Variants in ALMS1 observed in about 807,000 individuals in gnomAD.
The protein encoded by ALMS1 is ALMS1 centrosome and basal body associated protein.
ALMS1 carries 271 observed loss-of-function variants against 352.2 expected under a neutral mutation model. The ratio of observed to expected loss-of-function variants is 0.77; its 90% CI spans 0.70 to 0.85. ALMS1 has a LOEUF of 0.85. ALMS1 is among the 40% of genes least tolerant of loss of function. ALMS1 has a pLI of 0.00. For synonymous variants in ALMS1, 1,865 were observed against 1,761.2 expected, an observed-to-expected ratio of 1.06 and a Z score of -1.48; for missense variants, 5,445 against 4,870.7, an observed-to-expected ratio of 1.12 and a Z score of -3.51.
chr2:73,549,914 C>T (rs533372347), intron 12 of ALMS1, among the ~76,000 whole-genome samples: 2 of 152,260 alleles, frequency 1.3e-5, no homozygotes, highest in African/African-American at 2.4e-5. Context: ...AGCTGCAGTG[C>T]GGTGGCAACA....
Position 73,450,916 on chromosome 2 carries a change from C to T in ALMS1, c.4389C>T (p.Asp1463=). 1 of 1,613,984 alleles carries T rather than the reference C, an allele frequency of 6.2e-7. No homozygotes were observed. Among genetic ancestry groups the T allele is most frequent in the Non-Finnish European group, 8.5e-7 (1 of 1,179,934 alleles). ...TTTCAGTTGCTCCTGGACCAGTTGA[C>T]CAGACGATTGGCACACCAACTGTAA... The part of the protein sequence containing the change: ...LEVSVAPGPV[D]QTIGTPTVTS... The change falls in exon 8 of 23, where the codon GAC becomes GAT. Residue 1463 remains aspartate, a synonymous_variant. Coordinates refer to ENST00000613296, the MANE Select transcript of ALMS1 (RefSeq NM_001378454.1).
intron 16 of ALMS1, chr2:73,573,726 C>G: frequency 7.1e-6 from 4 of 567,166 alleles, no homozygotes; most frequent in Non-Finnish European, 1.2e-5. Context: ...CTATCCTGAA[C>G]AATATTGCTG....
chr2:73,430,227 C>T (rs1163263477), intron 6 of ALMS1, among the ~76,000 whole-genome samples: 1 of 151,950 alleles, frequency 6.6e-6, no homozygotes, highest in Non-Finnish European at 1.5e-5. Context: ...CAGGTGCCCG[C>T]CCCCATGCCC....
At chr2:73,561,127 A>G (rs923514196) in intron 15 of ALMS1, among the ~76,000 whole-genome samples, 2 of 152,246 alleles carry the variant, frequency 1.3e-5, no homozygotes, top group African/African-American at 4.8e-5. Flanking sequence ...TGCAACCCAG[A>G]TGTCCATTAT....
At chr2:73,389,159 T>G (rs1371161737) in intron 1 of ALMS1, among the ~76,000 whole-genome samples, 3 of 152,214 alleles carry the variant, frequency 2.0e-5, no homozygotes, top group African/African-American at 7.2e-5. Context: ...GGTATCTCAT[T>G]GTGATTTTAA....
rs2103782849 is a variant in ALMS1, at chr2:73,450,964, A to G, written c.4437A>G (p.Gly1479=). 6.2e-7 allele frequency: 1 copy of G among 1,613,902 alleles called. No homozygotes were observed. The highest frequency in any genetic ancestry group is 1.1e-5 in the South Asian group (1 of 91,066). The change falls in exon 8 of 23, where the codon GGA becomes GGG. Residue 1479 remains glycine (G), a synonymous_variant. Coordinates refer to ENST00000613296, the MANE Select transcript of ALMS1 (RefSeq NM_001378454.1). ...TAACCTCCCCTTCCAGCTCATTTGG[A>G]GAGAAGCCCATTGTTATCTACAAAC... The part of the protein sequence containing the change: ...PTVTSPSSSF[G]EKPIVIYKQA...
At chr2:73,595,887 G>T (rs1215669836) in intron 16 of ALMS1, among the ~76,000 whole-genome samples, 3 of 152,164 alleles carry the variant, frequency 2.0e-5, no homozygotes, top group Non-Finnish European at 2.9e-5. Context: ...AATGACTGAT[G>T]ATGTTGAACA....
At chr2:73,574,111 A>C (rs571318979) in intron 16 of ALMS1, among the ~76,000 whole-genome samples, 6 of 152,302 alleles carry the variant, frequency 3.9e-5, no homozygotes, top group African/African-American at 1.4e-4. Context: ...AAAGAGAACA[A>C]AATTTTTAGA....
chr2:73,570,869 T>G (rs7583255), intron 15 of ALMS1, among the ~76,000 whole-genome samples: 46,282 of 152,030 alleles, frequency 0.3, 8,600 homozygotes, highest in African/African-American at 0.53. Context: ...ATGTTCTTCT[T>G]CCTGTTTGTT....
intron 16 of ALMS1, among the ~76,000 whole-genome samples, chr2:73,597,997 TAGCC>T (rs1675588281): frequency 6.6e-6 from 1 of 152,216 alleles, no homozygotes; most frequent in Admixed American, 6.5e-5. Flanking sequence ...TAAGAAGGAA[TAGCC>T]AGCACCAAAC....
At chr2:73,533,317 T>G (rs535686817) in intron 11 of ALMS1, among the ~76,000 whole-genome samples, 1 of 152,326 alleles carries the variant, frequency 6.6e-6, no homozygotes, top group African/African-American at 2.4e-5. Flanking sequence ...TCTTATTGCT[T>G]TAGGCTATGG....
At position 73,452,521 on chromosome 2, in the gene ALMS1, T is replaced by A. The variant is rs774242715; in HGVS notation, c.5994T>A (p.Ile1998=). Residue 1998 remains isoleucine (I), a synonymous_variant, in exon 8 of 23, where the codon ATT becomes ATA. Coordinates refer to ENST00000613296, the MANE Select transcript of ALMS1 (RefSeq NM_001378454.1). The part of the protein sequence containing the change: ...YSHSHKEKLK[I]STVHIPDDQK... ...ATTCACATAAAGAGAAACTCAAGAT[T>A]TCAACTGTGCATATACCAGATGACC... 2 of 1,614,026 alleles carry A rather than the reference T, an allele frequency of 1.2e-6. No individual in the cohort carries two copies. The highest frequency in any genetic ancestry group is 3.3e-5 in the Admixed American group (2 of 60,002).
intron 21 of ALMS1, among the ~76,000 whole-genome samples, chr2:73,605,939 A>T (rs1573059227): frequency 6.6e-6 from 1 of 152,306 alleles, no homozygotes; most frequent in East Asian, 1.9e-4. Context: ...TATTGCAGTA[A>T]CTTCTCTCGT....
chr2:73,593,265 G>A (rs1466729808), intron 16 of ALMS1, among the ~76,000 whole-genome samples: 2 of 151,980 alleles, frequency 1.3e-5, no homozygotes, highest in East Asian at 1.9e-4. Flanking sequence ...GCAGATGTGT[G>A]CATTGTGATT....
Position 73,410,122 on chromosome 2 carries a change from C to CT in ALMS1, c.450+1376dup, listed in dbSNP as rs550541409. Among the ~76,000 whole-genome samples the CT allele has an allele frequency of 2.8e-3, 421 of 152,212 alleles. 3 individuals are homozygous for CT. Among genetic ancestry groups the CT allele is most frequent in the African/African-American group, 9.3e-3 (387 of 41,520 alleles). On this transcript the variant is annotated intron_variant, in intron 2 of 22. Coordinates refer to ENST00000613296, the MANE Select transcript of ALMS1 (RefSeq NM_001378454.1). ...ACACCTCACAGGCCAGGAACAGTGGCTAACGCCTGTAATCCCAGCACTTTG... is the reference window on the plus strand; with the variant it reads ...ACACCTCACAGGCCAGGAACAGTGGCTTAACGCCTGTAATCCCAGCACTTTG...
chr2:73,409,513 CTA>C (rs2103678110), intron 2 of ALMS1, among the ~76,000 whole-genome samples: 1 of 152,182 alleles, frequency 6.6e-6, no homozygotes, highest in East Asian at 1.9e-4. Context: ...ACATTTAAAA[CTA>C]TTTTAAAATT....
Position 73,558,957 on chromosome 2 carries a change from A to AT in ALMS1, c.10214-12dup, listed in dbSNP as rs543855806. On this transcript the variant is annotated splice_polypyrimidine_tract_variant and intron_variant, in intron 14 of 22. Coordinates refer to ENST00000613296, the MANE Select transcript of ALMS1 (RefSeq NM_001378454.1). Reference sequence around the variant, plus strand: ...AAGTTCCTGTCTGTATAGTGTGTTAATTTCCCTTTCGTAGATTCCAGTGCT... The same window carrying AT: ...AAGTTCCTGTCTGTATAGTGTGTTAATTTTCCCTTTCGTAGATTCCAGTGCT... 5.0e-4 allele frequency: 812 copies of AT among 1,613,710 alleles called. No homozygotes were observed. The highest frequency in any genetic ancestry group is 6.2e-4 in the Non-Finnish European group (735 of 1,179,820).
intron 9 of ALMS1, among the ~76,000 whole-genome samples, chr2:73,464,739 T>C (rs1245871501): frequency 2.0e-5 from 3 of 152,182 alleles, no homozygotes; most frequent in African/African-American, 7.2e-5. Flanking sequence ...ATAAGCAACT[T>C]CAGCAAAGTC....
Position 73,572,357 on chromosome 2 carries a change from C to G in ALMS1, c.10480C>G (p.Gln3494Glu), listed in dbSNP as rs772624348. ...TCATCCCGTACACCTACCAAGTGAT[C>G]AAGATATTTGCCATGAATCTTTGGG... The part of the protein sequence containing the change: ...IHHPVHLPSD[Q>E]DICHESLGKS... The change falls in exon 16 of 23, where the codon CAA becomes GAA. Residue 3494 changes from glutamine (Q) to glutamate (E), a missense_variant. Coordinates refer to ENST00000613296, the MANE Select transcript of ALMS1 (RefSeq NM_001378454.1). 3 of 1,608,278 alleles carry G rather than the reference C, an allele frequency of 1.9e-6. No individual in the cohort carries two copies. Among genetic ancestry groups the G allele is most frequent in the Non-Finnish European group, 1.7e-6 (2 of 1,177,750 alleles).
Sources: allele counts gnomAD v4.1 joint callset (sites outside exome capture counted in the v4.1 genomes callset), GRCh38; gene constraint gnomAD v4.1.1; transcripts MANE v1.5; gene names NCBI Gene and HGNC (gene_info 2026-07-23, HGNC 2026-07-21).